Variants in SNX6 observed in about 807,000 individuals in gnomAD.
SNX6 encodes sorting nexin-6.
In SNX6, 34 loss-of-function variants were observed where a neutral mutation model predicts 63.0. The ratio of observed to expected loss-of-function variants is 0.54; its 90% CI spans 0.41 to 0.72. SNX6 has a LOEUF of 0.72. SNX6 is among the 30% of genes least tolerant of loss of function. The pLI is 0.00. For synonymous variants in SNX6, 170 were observed against 164.2 expected (o/e 1.04, Z -0.27); for missense variants, 398 against 471.4 (o/e 0.84, Z 1.44).
intron 4 of SNX6, among the ~76,000 whole-genome samples, chr14:34,607,430 A>C (rs1883064419): frequency 1.3e-5 from 2 of 151,908 alleles, no homozygotes; most frequent in African/African-American, 4.8e-5. Flanking sequence ...AACATGGCGA[A>C]ATCCCGTCTC....
intron 2 of SNX6, among the ~76,000 whole-genome samples, chr14:34,629,171 GAT>G (rs1883942259): frequency 6.6e-6 from 1 of 151,906 alleles, no homozygotes; most frequent in South Asian, 2.1e-4. Context: ...TGAGGTGATG[GAT>G]ATGTCAGGTT....
chr14:34,571,527 C>T (rs1314935432), intron 11 of SNX6, among the ~76,000 whole-genome samples: 2 of 152,126 alleles, frequency 1.3e-5, no homozygotes, highest in Non-Finnish European at 2.9e-5. Context: ...CTATATACTA[C>T]ATGATTCCAA....
chr14:34,593,404 CTTT>C (rs556910452), intron 7 of SNX6, among the ~76,000 whole-genome samples: 1 of 143,520 alleles, frequency 7.0e-6, no homozygotes, highest in Non-Finnish European at 1.5e-5. Context: ...GTGCTGTACT[CTTT>C]TTTTTTTTTT....
chr14:34,569,546 C>T (rs1881347006), intron 11 of SNX6, among the ~76,000 whole-genome samples: 3 of 152,112 alleles, frequency 2.0e-5, no homozygotes, highest in Admixed American at 2.0e-4. Context: ...CCTGCCTCAG[C>T]CTCCTGAGTA....
chr14:34,624,212 T>C lies in SNX6; in HGVS notation c.54+5695A>G, dbSNP rs1295774579. ...GCCTCCTGGGTTCAAGTGATTTTCCTGCCTCAGCCTCCCAAGTAGCTGGGA... is the reference window on the plus strand; with the variant it reads ...GCCTCCTGGGTTCAAGTGATTTTCCCGCCTCAGCCTCCCAAGTAGCTGGGA... On this transcript the variant is annotated intron_variant, in intron 2 of 13. Coordinates refer to ENST00000362031, the MANE Select transcript of SNX6 (RefSeq NM_152233.4). Among the ~76,000 whole-genome samples the C allele has an allele frequency of 2.0e-5, 3 of 152,276 alleles. No individual in the cohort carries two copies. The East Asian group carries it at 5.8e-4, about 29-fold the overall frequency.
intron 9 of SNX6, among the ~76,000 whole-genome samples, chr14:34,582,581 C>A (rs916494828): frequency 6.6e-6 from 1 of 151,850 alleles, no homozygotes; most frequent in African/African-American, 2.4e-5. Context: ...GACTGAATCT[C>A]GCTTTCTTGC....
At position 34,618,495 on chromosome 14, in the gene SNX6, C is replaced by T. The variant is rs185192333; in HGVS notation, c.55-8753G>A. The stretch of plus-strand genomic sequence containing the variant: ...CCTCCCTAGTAGCTGGAATTACAGA[C>T]GTGCGACACCATGCCCAGCTAATTT... On this transcript the variant is annotated intron_variant, in intron 2 of 13. Coordinates refer to ENST00000362031, the MANE Select transcript of SNX6 (RefSeq NM_152233.4). 2.2e-3 allele frequency among the ~76,000 whole-genome samples: 335 copies of T among 152,216 alleles called. 2 individuals carry two copies. Among genetic ancestry groups the T allele is most frequent in the Admixed American group, 3.7e-3 (56 of 15,280 alleles).
intron 7 of SNX6, among the ~76,000 whole-genome samples, chr14:34,596,064 A>G (rs188232335): frequency 1.6e-4 from 25 of 151,898 alleles, no homozygotes; most frequent in Admixed American, 6.6e-4. Flanking sequence ...CTAAAAATAC[A>G]AAAAAATTAG....
At chr14:34,588,128 C>CT (rs993966105) in intron 8 of SNX6, among the ~76,000 whole-genome samples, 4 of 151,946 alleles carry the variant, frequency 2.6e-5, no homozygotes, top group African/African-American at 9.7e-5. Flanking sequence ...CTGCCTCAGC[C>CT]TCTTGAGTAG....
intron 6 of SNX6, among the ~76,000 whole-genome samples, chr14:34,599,606 TAAAA>T (rs143732306): frequency 8.1e-6 from 1 of 123,444 alleles, no homozygotes; most frequent in Admixed American, 8.4e-5. Context: ...AAACTCTGTC[TAAAA>T]AAAAAAAAAA....
chr14:34,585,103 C>T (rs561607885), intron 9 of SNX6, among the ~76,000 whole-genome samples: 2 of 152,266 alleles, frequency 1.3e-5, no homozygotes, highest in African/African-American at 4.8e-5. Flanking sequence ...CTGCCCGCCT[C>T]GGCCTCTCAA....
At chr14:34,623,256 G>T (rs1044187820) in intron 2 of SNX6, among the ~76,000 whole-genome samples, 2 of 151,920 alleles carry the variant, frequency 1.3e-5, no homozygotes, top group Non-Finnish European at 2.9e-5. Flanking sequence ...AATTTGAAGC[G>T]AAAGAAAAGG....
At chr14:34,596,370 C>A (rs1386573397) in intron 7 of SNX6, among the ~76,000 whole-genome samples, 2 of 151,816 alleles carry the variant, frequency 1.3e-5, no homozygotes, top group African/African-American at 4.8e-5. Flanking sequence ...CCTGTAATCC[C>A]AGCACTTTGG....
At chr14:34,619,552 TC>T (rs1883549569) in intron 2 of SNX6, among the ~76,000 whole-genome samples, 1 of 131,230 alleles carries the variant, frequency 7.6e-6, no homozygotes, top group Admixed American at 8.7e-5. Flanking sequence ...GCAAACACTG[TC>T]CCAGGTATTG....
intron 4 of SNX6, among the ~76,000 whole-genome samples, chr14:34,607,462 T>C (rs1052376923): frequency 2.7e-5 from 4 of 149,122 alleles, no homozygotes; most frequent in Admixed American, 2.0e-4. Context: ...CAAAAAAAAT[T>C]AGCCGGGCAT....
chr14:34,615,008 T>C (rs1883365643), intron 2 of SNX6, among the ~76,000 whole-genome samples: 1 of 152,166 alleles, frequency 6.6e-6, no homozygotes, highest in East Asian at 1.9e-4. Context: ...TATCTACATT[T>C]GAGAAGATGT....
At chr14:34,608,421 C>T (rs1266198343) in intron 3 of SNX6, among the ~76,000 whole-genome samples, 1 of 152,044 alleles carries the variant, frequency 6.6e-6, no homozygotes, top group African/African-American at 2.4e-5. Flanking sequence ...CCTCGGCCTC[C>T]CAAAGTGTTG....
chr14:34,607,062 G>A (rs1446357146), intron 4 of SNX6, among the ~76,000 whole-genome samples: 1 of 152,092 alleles, frequency 6.6e-6, no homozygotes, highest in Non-Finnish European at 1.5e-5. Context: ...ACAGGCATGA[G>A]CTACCGTGCC....
At position 34,582,069 on chromosome 14, in the gene SNX6, C is replaced by T. The variant is rs189863703; in HGVS notation, c.795-469G>A. 2.7e-4 allele frequency among the ~76,000 whole-genome samples: 41 copies of T among 151,760 alleles called. No individual in the cohort carries two copies. The East Asian group carries it at 4.8e-3, about 18-fold the overall frequency. On this transcript the variant is annotated intron_variant, in intron 9 of 13. Transcript: ENST00000362031. ...GTCTTGATCTCTTGACCTCGTGATC[C>T]GCCCGCCTCGGCCTCCCAAAGTGCT... is the stretch of plus-strand genomic sequence containing the variant.
Sources: allele counts gnomAD v4.1 joint callset (sites outside exome capture counted in the v4.1 genomes callset), GRCh38; gene constraint gnomAD v4.1.1; transcripts MANE v1.5; gene names NCBI Gene and HGNC (gene_info 2026-07-23, HGNC 2026-07-21).